The following ANK3 variants were observed in gnomAD, a reference collection of about 807,000 sequenced individuals.
ANK3 encodes the protein ankyrin 3, also known as ankyrin-3.
A neutral mutation model predicts 370.9 loss-of-function variants in ANK3; 57 were observed. That is an observed-to-expected ratio of 0.15 (90% CI 0.12 to 0.19). The LOEUF is 0.19. Ranked by LOEUF, ANK3 falls within the 10% of genes least tolerant of loss-of-function variation. The probability of loss-of-function intolerance (pLI) is 1.00; values close to 1 mark genes in which losing one functional copy is unlikely to be tolerated. For synonymous variants in ANK3, 1,929 were observed against 1,946.3 expected (o/e 0.99, Z 0.23); for missense variants, 4,439 against 5,302.1 (o/e 0.84, Z 5.06).
chr10:60,580,412 G>C lies in ANK3; in HGVS notation c.96+34774C>G, dbSNP rs1431798237. Among the ~76,000 whole-genome samples, 4 of 152,146 alleles carry C rather than the reference G, an allele frequency of 2.6e-5. No homozygotes were observed. In the South Asian group the frequency reaches 8.3e-4, roughly 32 times the overall value. ...TGGTTTCTTTGGTATACTGTCTTTA[G>C]CTAACTCAAACCTACCACTGCTATT... On this transcript the variant is annotated intron_variant, in intron 2 of 43. Transcript: ENST00000373827.
intron 2 of ANK3, among the ~76,000 whole-genome samples, chr10:60,483,068 C>A (rs2075265737): frequency 6.6e-6 from 1 of 152,192 alleles, no homozygotes; most frequent in Non-Finnish European, 1.5e-5. Flanking sequence ...CTTGTTTAAT[C>A]CTTGTAACAA....
intron 43 of ANK3, among the ~76,000 whole-genome samples, chr10:60,032,194 CTTTTTTTTT>C (rs552219776): frequency 7.9e-4 from 34 of 43,116 alleles, no homozygotes; most frequent in African/African-American, 1.6e-3. Context: ...TACACAGCTT[CTTTTTTTTT>C]TTTTTTTTTT....
chr10:60,456,544 T>C (rs2064752166), intron 2 of ANK3, among the ~76,000 whole-genome samples: 1 of 152,162 alleles, frequency 6.6e-6, no homozygotes, highest in African/African-American at 2.4e-5. Flanking sequence ...GCAATGACGC[T>C]ATAATAACGA....
chr10:60,276,046 A>G (rs558585710), intron 4 of ANK3, among the ~76,000 whole-genome samples: 85 of 152,312 alleles, frequency 5.6e-4, no homozygotes, highest in African/African-American at 2.0e-3. Context: ...AATGTTAAGT[A>G]CTAAAAGAAA....
intron 1 of ANK3, among the ~76,000 whole-genome samples, chr10:60,728,321 A>T (rs1230422177): frequency 1.3e-5 from 2 of 152,192 alleles, no homozygotes; most frequent in Non-Finnish European, 2.9e-5. Flanking sequence ...CTGACATGTC[A>T]TCTTACCACT....
At chr10:60,167,201 A>G (rs2095646605) in intron 21 of ANK3, among the ~76,000 whole-genome samples, 1 of 152,186 alleles carries the variant, frequency 6.6e-6, no homozygotes, top group East Asian at 1.9e-4. Context: ...CTCCACTGCT[A>G]TACTTTTTCA....
intron 17 of ANK3, among the ~76,000 whole-genome samples, chr10:60,185,594 C>T (rs1163184026): frequency 6.6e-6 from 1 of 152,174 alleles, no homozygotes; most frequent in African/African-American, 2.4e-5. Flanking sequence ...TGCTATTTTG[C>T]AACCCTACTC....
At chr10:60,576,409 C>T (rs1314318420) in intron 2 of ANK3, among the ~76,000 whole-genome samples, 1 of 152,176 alleles carries the variant, frequency 6.6e-6, no homozygotes, top group Non-Finnish European at 1.5e-5. Flanking sequence ...GGAGAAATAA[C>T]AGGGTTGGGG....
chr10:60,320,658 G>A (rs908967000), intron 1 of ANK3, among the ~76,000 whole-genome samples: 2 of 152,150 alleles, frequency 1.3e-5, no homozygotes, highest in African/African-American at 4.8e-5. Context: ...CACAGGAATT[G>A]TCTTGGTGGT....
chr10:60,149,752 A>T (rs926692594), intron 23 of ANK3, among the ~76,000 whole-genome samples: 1 of 152,264 alleles, frequency 6.6e-6, no homozygotes, highest in Non-Finnish European at 1.5e-5. Flanking sequence ...TCTGTCGCCC[A>T]GGCTGGTGTG....
intron 2 of ANK3, among the ~76,000 whole-genome samples, chr10:60,555,984 G>T (rs913916074): frequency 6.6e-6 from 1 of 152,144 alleles, no homozygotes; most frequent in Non-Finnish European, 1.5e-5. Flanking sequence ...ATTCCCAGTG[G>T]TATAGCTCAC....
chr10:60,505,107 T>C (rs556734957), intron 2 of ANK3, among the ~76,000 whole-genome samples: 1 of 152,254 alleles, frequency 6.6e-6, no homozygotes, highest in Non-Finnish European at 1.5e-5. Context: ...CTACCCCCAA[T>C]GACAAAATAG....
At chr10:60,228,316 A>G (rs1199569154) in intron 8 of ANK3, among the ~76,000 whole-genome samples, 1 of 152,056 alleles carries the variant, frequency 6.6e-6, no homozygotes, top group African/African-American at 2.4e-5. Context: ...TGGGCGGATC[A>G]CGAGGTCAAG....
At chr10:60,113,384 A>C (rs139739594) in intron 26 of ANK3, among the ~76,000 whole-genome samples, 184 of 152,322 alleles carry the variant, frequency 1.2e-3, no homozygotes, top group African/African-American at 4.2e-3. Flanking sequence ...TGAGAAAAAA[A>C]TGACAATACC....
intron 2 of ANK3, among the ~76,000 whole-genome samples, chr10:60,492,814 C>T (rs1370516770): frequency 2.7e-5 from 4 of 150,698 alleles, no homozygotes; most frequent in Non-Finnish European, 4.4e-5. Context: ...TGGTGGCTCA[C>T]ACCTGTAATC....
chr10:60,041,256 A>C (rs1037890042), intron 43 of ANK3, among the ~76,000 whole-genome samples: 1 of 152,190 alleles, frequency 6.6e-6, no homozygotes, highest in African/African-American at 2.4e-5. Flanking sequence ...CTTGCCTAAA[A>C]TCCCTTAGTG....
chr10:60,082,269 G>C, intron 34 of ANK3, 93 bp from the exon 35 acceptor site: 1 of 1,100,710 alleles, frequency 9.1e-7, no homozygotes, highest in African/African-American at 1.6e-5. Flanking sequence ...TGAGTAGGGA[G>C]CACAAATGCA....
At chr10:60,031,864 C>T (rs929658835) in intron 43 of ANK3, among the ~76,000 whole-genome samples, 6 of 152,146 alleles carry the variant, frequency 3.9e-5, no homozygotes, top group Non-Finnish European at 7.3e-5. Flanking sequence ...GTCACTAATG[C>T]TTGGAGCCAA....
At chr10:60,618,758 C>T (rs535363464) in intron 1 of ANK3, among the ~76,000 whole-genome samples, 13 of 152,108 alleles carry the variant, frequency 8.5e-5, no homozygotes, top group African/African-American at 2.2e-4. Context: ...TTGGCCCATC[C>T]GCTTTCCTTT....
Sources: allele counts gnomAD v4.1 joint callset (sites outside exome capture counted in the v4.1 genomes callset), GRCh38; gene constraint gnomAD v4.1.1; transcripts MANE v1.5; gene names NCBI Gene and HGNC (gene_info 2026-07-23, HGNC 2026-07-21).